The following RSPH1 variants were observed in gnomAD, a reference collection of about 807,000 sequenced individuals.
RSPH1 encodes radial spoke head 1 homolog.
In RSPH1, 32 loss-of-function variants were observed where a neutral mutation model predicts 44.2. The ratio of observed to expected loss-of-function variants is 0.72; its 90% CI spans 0.55 to 0.97. The LOEUF (loss-of-function observed/expected upper bound fraction) is 0.97, where lower values mean the gene tolerates loss of function less well. Ranked by LOEUF, RSPH1 falls within the 50% of genes least tolerant of loss-of-function variation. RSPH1 has a pLI of 0.00. For synonymous variants in RSPH1, 134 were observed against 147.3 expected (o/e 0.91, Z 0.65); for missense variants, 391 against 398.7 (o/e 0.98, Z 0.16).
chr21:42,495,690 G>T (rs539353399), intron 1 of RSPH1, among the ~76,000 whole-genome samples: 3 of 152,186 alleles, frequency 2.0e-5, no homozygotes, highest in Non-Finnish European at 4.4e-5. Context: ...TTTCTTGGAG[G>T]CTGCCAGGAA....
Position 42,477,377 on chromosome 21 carries a change from A to AT in RSPH1, c.640dup (p.Ile214AsnfsTer3). The AT allele has an allele frequency of 6.2e-7, 1 of 1,611,958 alleles. No individual in the cohort carries two copies. The highest frequency in any genetic ancestry group is 8.5e-7 in the Non-Finnish European group (1 of 1,179,280). On this transcript the variant is annotated frameshift_variant, in exon 7 of 9. Coordinates refer to ENST00000291536, the MANE Select transcript of RSPH1 (RefSeq NM_080860.4). LOFTEE classifies it high-confidence loss of function. ...TGGTGTCCACAGGGCCAATTCAGTG[A>AT]TTTGGGTAGCTTTCCATTTTGGAAC...
At position 42,472,635 on chromosome 21, in the gene RSPH1, G is replaced by A. The variant is rs2054003158; in HGVS notation, c.*183C>T. The A allele has an allele frequency of 1.7e-5, 8 of 469,106 alleles. No individual in the cohort carries two copies. Among genetic ancestry groups the A allele is most frequent in the Admixed American group, 3.9e-5 (1 of 25,554 alleles). The allele number at this position is 469,106 out of a possible 1,614,324, so 29.1% of individuals were successfully genotyped here. ...TGTTTATTTTTTGAGACAGGGTCTCGCTCTGCCACCCAGGCTGGAGAGCAG... is the reference window on the plus strand; with the variant it reads ...TGTTTATTTTTTGAGACAGGGTCTCACTCTGCCACCCAGGCTGGAGAGCAG... On this transcript the variant is annotated 3_prime_UTR_variant, in exon 9 of 9. Coordinates refer to ENST00000291536, the MANE Select transcript of RSPH1 (RefSeq NM_080860.4).
intron 7 of RSPH1, among the ~76,000 whole-genome samples, chr21:42,476,528 C>T (rs554901601): frequency 1.6e-4 from 25 of 152,288 alleles, no homozygotes; most frequent in South Asian, 4.1e-4. Context: ...GGATCTCACC[C>T]GGGGTAGCCA....
intron 3 of RSPH1, among the ~76,000 whole-genome samples, chr21:42,489,112 G>T (rs1340792608): frequency 6.6e-6 from 1 of 152,020 alleles, no homozygotes; most frequent in African/African-American, 2.4e-5. Flanking sequence ...TGGCTGGTTG[G>T]TTGGTTAACT....
intron 6 of RSPH1, among the ~76,000 whole-genome samples, chr21:42,477,911 T>C (rs529728299): frequency 6.6e-6 from 1 of 152,214 alleles, no homozygotes; most frequent in South Asian, 2.1e-4. Context: ...TATTATTCTT[T>C]ATATAAATAA....
intron 5 of RSPH1, chr21:42,484,820 G>A (rs1474312905): frequency 6.6e-6 from 1 of 152,112 alleles, no homozygotes; most frequent in Admixed American, 6.5e-5. Flanking sequence ...TATAAACAAT[G>A]TATGGGTTTG....
intron 5 of RSPH1, among the ~76,000 whole-genome samples, chr21:42,484,353 C>G (rs2054158359): frequency 6.6e-6 from 1 of 152,170 alleles, no homozygotes; most frequent in South Asian, 2.1e-4. Flanking sequence ...TGCCAATCCT[C>G]AAAGGTTTCA....
chr21:42,491,640 A>G (rs1568967640), intron 3 of RSPH1, among the ~76,000 whole-genome samples: 1 of 152,246 alleles, frequency 6.6e-6, no homozygotes, highest in Non-Finnish European at 1.5e-5. Flanking sequence ...ATGAAACAAA[A>G]CAAAACAATT....
chr21:42,479,834 C>T (rs2054107532), intron 6 of RSPH1, among the ~76,000 whole-genome samples: 1 of 152,126 alleles, frequency 6.6e-6, no homozygotes, highest in Non-Finnish European at 1.5e-5. Context: ...AGGTGACTTA[C>T]AGGAAGCTGC....
Position 42,472,948 on chromosome 21 carries a change from C to T in RSPH1, c.878-78G>A, listed in dbSNP as rs1381079421. 6.6e-6 allele frequency: 7 copies of T among 1,060,682 alleles called. No individual in the cohort carries two copies. The East Asian group carries it at 1.7e-4, about 26-fold the overall frequency. 65.7% of individuals were successfully genotyped at this position (1,060,682 alleles called of 1,614,324 possible). A position where few individuals can be genotyped will look rare whatever the true frequency, so the allele number is the denominator to read the frequency against. On this transcript the variant is annotated intron_variant, in intron 8 of 8. Transcript: ENST00000291536. ...TTAAAGCCTTTATTCACTAACAGAT[C>T]TTTTGCCGAAAAAAATTATTGTAAC...
chr21:42,492,790 G>C lies in RSPH1; in HGVS notation c.242C>G (p.Thr81Ser). 6.2e-7 allele frequency: 1 copy of C among 1,611,312 alleles called. No individual in the cohort carries two copies. The highest frequency in any genetic ancestry group is 1.1e-5 in the South Asian group (1 of 91,020). Residue 81 changes from threonine (T) to serine (S), a missense_variant, in exon 3 of 9, where the codon ACT (threonine) becomes AGT (serine). Physicochemically the swap from Thr to Ser is moderately conservative, Grantham distance 58. Coordinates refer to ENST00000291536, the MANE Select transcript of RSPH1 (RefSeq NM_080860.4). ...YVRNKKHGQG[T>S]FIYPDGSRYE... ...TCTGGATCCATCTGGATATATAAAA[G>C]TGCCTTGACCGTGCTTTTTATTTCT...
At chr21:42,477,707 C>T (rs141502965) in intron 6 of RSPH1, among the ~76,000 whole-genome samples, 1 of 152,312 alleles carries the variant, frequency 6.6e-6, no homozygotes, top group East Asian at 1.9e-4. Flanking sequence ...ATGGGTGCCA[C>T]AAAAGGCTTT....
chr21:42,477,621 G>C (rs566636743), intron 6 of RSPH1, among the ~76,000 whole-genome samples, 177 bp from the exon 7 acceptor site: 2 of 152,298 alleles, frequency 1.3e-5, no homozygotes, highest in East Asian at 3.9e-4. Context: ...ATAATCTCAG[G>C]GTTGAGAATG....
At chr21:42,483,237 ATT>A (rs200249424) in intron 5 of RSPH1, among the ~76,000 whole-genome samples, 11 of 141,776 alleles carry the variant, frequency 7.8e-5, no homozygotes, top group South Asian at 2.2e-4. Context: ...TGGGATACTG[ATT>A]TTTTTTTTTT....
At chr21:42,483,088 T>C (rs1453855373) in intron 5 of RSPH1, among the ~76,000 whole-genome samples, 1 of 152,192 alleles carries the variant, frequency 6.6e-6, no homozygotes, top group African/African-American at 2.4e-5. Flanking sequence ...TACTAACTCA[T>C]ACTCTATTTT....
intron 7 of RSPH1, among the ~76,000 whole-genome samples, chr21:42,476,553 C>T (rs77455538): frequency 6.6e-6 from 1 of 152,260 alleles, no homozygotes; most frequent in African/African-American, 2.4e-5. Flanking sequence ...CAACTTTCCC[C>T]AGCACATTAA....
chr21:42,473,229 G>A (rs565101739), intron 8 of RSPH1, among the ~76,000 whole-genome samples: 1 of 152,334 alleles, frequency 6.6e-6, no homozygotes, highest in Admixed American at 6.5e-5. Context: ...AGTGGCTCAT[G>A]CCTGTAATCC....
Position 42,496,081 on chromosome 21 carries a change from T to G in RSPH1, c.54+52A>C, listed in dbSNP as rs373039932. On this transcript the variant is annotated intron_variant, in intron 1 of 8. Transcript: ENST00000291536. ...TCACTCTCCAAACCCAACCTCGAGG[T>G]TCCCCCGCCGCTGCGCACCCTGGGA... 61 of 1,602,784 alleles carry G rather than the reference T, an allele frequency of 3.8e-5. 3 individuals are homozygous for G. The highest frequency in any genetic ancestry group is 1.6e-4 in the East Asian group (7 of 44,672).
At position 42,477,325 on chromosome 21, in the gene RSPH1, C is replaced by A. The variant is rs372338741; in HGVS notation, c.693G>T (p.Thr231=). The A allele has an allele frequency of 6.2e-7, 1 of 1,614,172 alleles. No homozygotes were observed. Among genetic ancestry groups the A allele is most frequent in the Non-Finnish European group, 8.5e-7 (1 of 1,180,014 alleles). Reference sequence around the variant, plus strand: ...CTGGAGCGTCTTGGCCAGGTCCATCCGTAGAGGTCGGCTTTTTGGGGAGAG... The same window carrying A: ...CTGGAGCGTCTTGGCCAGGTCCATCAGTAGAGGTCGGCTTTTTGGGGAGAG... ...TPTLPKKPTS[T]DGPGQDAPGA... The change falls in exon 7 of 9, where the codon ACG becomes ACT. Residue 231 remains threonine, a synonymous_variant. Transcript: ENST00000291536.
Sources: gnomAD v4.1 joint callset for allele counts (sites outside exome capture counted in the v4.1 genomes callset) on GRCh38, gnomAD v4.1.1 for gene constraint, MANE v1.5 for transcripts, NCBI Gene and HGNC (gene_info 2026-07-23, HGNC 2026-07-21) for gene names.